Variants in CREB1 observed in about 807,000 individuals in gnomAD.
The protein encoded by CREB1 is cyclic AMP-responsive element-binding protein 1.
Under a neutral mutation model 42.0 loss-of-function variants are expected in CREB1, and 2 were observed. The observed-to-expected ratio is 0.05, with a 90% CI of 0.02 to 0.15. The LOEUF (loss-of-function observed/expected upper bound fraction) is 0.15. CREB1 is among the 10% of genes least tolerant of loss of function. The pLI is 1.00. For missense variants in CREB1, 199 were observed against 388.9 expected (o/e 0.51, Z 4.11); for synonymous variants, 123 against 139.9 (o/e 0.88, Z 0.85).
At chr2:207,575,540 T>A in intron 6 of CREB1, 86 bp downstream of exon 6, 1 of 1,132,592 alleles carries the variant, frequency 8.8e-7, no homozygotes, top group Non-Finnish European at 1.3e-6. Flanking sequence ...AGTATCATAT[T>A]GCAAACCACC....
rs2086556547 is a variant in CREB1 at position 207,598,595 on chromosome 2, C to T, written c.*1537C>T. ...GGCGCAGTGGCTCACGCCTGTAATCCCAGCACTTTGGGAGGCCAAGGTGGG... is the reference window on the plus strand; with the variant it reads ...GGCGCAGTGGCTCACGCCTGTAATCTCAGCACTTTGGGAGGCCAAGGTGGG... On this transcript the variant is annotated 3_prime_UTR_variant, in exon 8 of 8. Transcript: ENST00000353267. 1 of 173,440 alleles carries T rather than the reference C, an allele frequency of 5.8e-6. No individual in the cohort carries two copies. Among genetic ancestry groups the T allele is most frequent in the East Asian group, 1.0e-4 (1 of 9,746 alleles). 10.7% of individuals were successfully genotyped at this position (173,440 alleles called of 1,614,324 possible).
At chr2:207,530,587 C>T (rs1384456368) in intron 1 of CREB1, among the ~76,000 whole-genome samples, 1 of 147,314 alleles carries the variant, frequency 6.8e-6, no homozygotes, top group Non-Finnish European at 1.5e-5. Flanking sequence ...TCGTCCGGCC[C>T]CCGCCGCCCG....
intron 1 of CREB1, among the ~76,000 whole-genome samples, chr2:207,536,745 T>G: frequency 6.6e-6 from 1 of 152,004 alleles, no homozygotes; most frequent in Middle Eastern, 3.4e-3. Context: ...ATCCCGGCAC[T>G]TTGGGAGGTC....
rs1471047065 is a variant in CREB1, at chr2:207,561,281, TCA to T, written c.261+910_261+911del. 6.1e-6 allele frequency: 5 copies of T among 822,268 alleles called. No individual in the cohort carries two copies. In the African/African-American group the frequency reaches 8.7e-5, roughly 14 times the overall value. The allele number at this position is 822,268 out of a possible 1,614,324, so 50.9% of individuals were successfully genotyped here. Reference sequence around the variant, plus strand: ...GAATTTCAACACTTGAACAAAAACCTCAGAGATCTTCTGGGTCTAGGCCATAC... The same window carrying T: ...GAATTTCAACACTTGAACAAAAACCTGAGATCTTCTGGGTCTAGGCCATAC... On this transcript the variant is annotated intron_variant, in intron 3 of 7. Transcript: ENST00000353267.
rs935225371 is a variant in CREB1, at chr2:207,603,094, A to G, written c.*6036A>G. The stretch of plus-strand genomic sequence containing the variant: ...TGTTTCTATTGGAGTTGAATACTAA[A>G]TAAATAACTATAATGAGGGAAATAC... On this transcript the variant is annotated 3_prime_UTR_variant, in exon 8 of 8. Transcript: ENST00000353267. The G allele has an allele frequency of 7.6e-5, 16 of 210,528 alleles. No individual in the cohort carries two copies. The allele number at this position is 210,528 out of a possible 1,614,324, so 13.0% of individuals were successfully genotyped here. A position where few individuals can be genotyped will look rare whatever the true frequency, so the allele number is the denominator to read the frequency against.
At chr2:207,594,303 T>C (rs1299691632) in intron 7 of CREB1, among the ~76,000 whole-genome samples, 1 of 152,152 alleles carries the variant, frequency 6.6e-6, no homozygotes, top group Admixed American at 6.5e-5. Flanking sequence ...TACATTCATA[T>C]TGTGGTGCAG....
chr2:207,576,185 T>G (rs959814216), intron 6 of CREB1, among the ~76,000 whole-genome samples: 4 of 151,102 alleles, frequency 2.6e-5, no homozygotes, highest in African/African-American at 7.3e-5. Context: ...CTGCTGCTCT[T>G]TAGAGAAAAA....
Position 207,529,964 on chromosome 2 carries a change from T to TCGG in CREB1, c.-171_-169dup, listed in dbSNP as rs1347012110. 6.4e-6 allele frequency: 1 copy of TCGG among 155,840 alleles called. No individual in the cohort carries two copies. Among genetic ancestry groups the TCGG allele is most frequent in the Non-Finnish European group, 1.4e-5 (1 of 70,798 alleles). 9.7% of individuals were successfully genotyped at this position (155,840 alleles called of 1,614,324 possible). ...TGGCTCCCTGGCTGCGGCTCCTCAG[T>TCGG]CGGCGGCGGCTGCTGCTGCCTGTGG... is the stretch of plus-strand genomic sequence containing the variant. On this transcript the variant is annotated 5_prime_UTR_variant, in exon 1 of 8. Coordinates refer to ENST00000353267, the MANE Select transcript of CREB1 (RefSeq NM_004379.5).
At position 207,548,365 on chromosome 2, in the gene CREB1, A is replaced by G. The variant is rs188908445; in HGVS notation, c.-8-7263A>G. 5.8e-4 allele frequency among the ~76,000 whole-genome samples: 88 copies of G among 152,336 alleles called. 1 individual carries two copies. Among genetic ancestry groups the G allele is most frequent in the Non-Finnish European group, 4.1e-4 (28 of 68,020 alleles). On this transcript the variant is annotated intron_variant, in intron 1 of 7. Coordinates refer to ENST00000353267, the MANE Select transcript of CREB1 (RefSeq NM_004379.5). ...AATACCCTGGTAATTACAAAACTGC[A>G]ATGATAAAATACAAAATATTGAACT...
In CREB1 at chr2:207,604,962, C is replaced by T. The variant is rs780689395; in HGVS notation, c.*7904C>T. On this transcript the variant is annotated 3_prime_UTR_variant, in exon 8 of 8. Transcript: ENST00000353267. ...GTAAGTATGCCATTGTAGATATATA[C>T]CACAAGTTTATCGATTCATCCAGTT... 9.2e-5 allele frequency among the ~76,000 whole-genome samples: 14 copies of T among 152,138 alleles called. No individual in the cohort carries two copies. The highest frequency in any genetic ancestry group is 1.9e-4 in the Non-Finnish European group (13 of 68,028).
At position 207,582,295 on chromosome 2, in the gene CREB1, A is replaced by G. The variant is rs948741634; in HGVS notation, c.839+4640A>G. ...CTTTAAAGTTTTGCCCACCAGTTTTAGAATTCATCAGTAAATCTTGTCTAC... is the reference window on the plus strand; with the variant it reads ...CTTTAAAGTTTTGCCCACCAGTTTTGGAATTCATCAGTAAATCTTGTCTAC... On this transcript the variant is annotated intron_variant, in intron 7 of 7. Transcript: ENST00000353267. 30 of 623,666 alleles carry G rather than the reference A, an allele frequency of 4.8e-5. No individual in the cohort carries two copies. The Admixed American group carries it at 5.6e-4, about 12-fold the overall frequency. The allele number at this position is 623,666 out of a possible 1,614,324, so 38.6% of individuals were successfully genotyped here. A position where few individuals can be genotyped will look rare whatever the true frequency, so the allele number is the denominator to read the frequency against.
intron 1 of CREB1, among the ~76,000 whole-genome samples, chr2:207,552,730 C>G (rs2081561081): frequency 6.6e-6 from 1 of 151,726 alleles, no homozygotes; most frequent in Admixed American, 6.6e-5. Flanking sequence ...CTCAGCCTCC[C>G]AAATATCCCA....
chr2:207,605,571 GTGTTA>G lies in CREB1; in HGVS notation c.*8518_*8522del, dbSNP rs72258540. On this transcript the variant is annotated 3_prime_UTR_variant, in exon 8 of 8. Transcript: ENST00000353267. ...AAGGGCAAACTGTAAGAAGTTTTTTGTGTTATGTTTTTTGTGACAGTCTGTGCATA... is the reference window on the plus strand; with the variant it reads ...AAGGGCAAACTGTAAGAAGTTTTTTGTGTTTTTTGTGACAGTCTGTGCATA... Among the ~76,000 whole-genome samples the G allele has an allele frequency of 0.067, 10,229 of 152,070 alleles. 1,154 individuals carry two copies. Among genetic ancestry groups the G allele is most frequent in the African/African-American group, 0.23 (9,625 of 41,396 alleles).
chr2:207,576,261 GTTTT>G (rs1037917631), intron 6 of CREB1, among the ~76,000 whole-genome samples: 1 of 66,324 alleles, frequency 1.5e-5, no homozygotes, highest in Non-Finnish European at 3.1e-5. Context: ...TTTTTTTTTA[GTTTT>G]TTTTTTCTGT....
rs2086631516 is a variant in CREB1 at position 207,599,019 on chromosome 2, T to C, written c.*1961T>C. Reference sequence around the variant, plus strand: ...TGCTGGATCCATTTTAAAATAAGATTTTAATTAACATTTGTAAATGGTATA... The same window carrying C: ...TGCTGGATCCATTTTAAAATAAGATCTTAATTAACATTTGTAAATGGTATA... On this transcript the variant is annotated 3_prime_UTR_variant, in exon 8 of 8. Transcript: ENST00000353267. 5.4e-6 allele frequency: 1 copy of C among 185,966 alleles called. No individual in the cohort carries two copies. Among genetic ancestry groups the C allele is most frequent in the South Asian group, 1.9e-4 (1 of 5,138 alleles). The allele number at this position is 185,966 out of a possible 1,614,324, so 11.5% of individuals were successfully genotyped here.
chr2:207,568,307 C>A (rs938613545), intron 4 of CREB1, among the ~76,000 whole-genome samples: 12 of 151,884 alleles, frequency 7.9e-5, no homozygotes, highest in Non-Finnish European at 1.8e-4. Flanking sequence ...ATTAAGAATC[C>A]TAAGTGACTA....
At chr2:207,581,892 G>C in intron 7 of CREB1, 1 of 702,892 alleles carries the variant, frequency 1.4e-6, no homozygotes, top group Non-Finnish European at 2.6e-6. Flanking sequence ...CTTTTGAAGA[G>C]TAGTGATCTG....
intron 1 of CREB1, among the ~76,000 whole-genome samples, chr2:207,552,042 C>CACAA: frequency 1.4e-5 from 1 of 69,934 alleles, no homozygotes. Context: ...AACTCCGTCT[C>CACAA]AAAAAAAAAA....
intron 7 of CREB1, among the ~76,000 whole-genome samples, chr2:207,578,294 A>T (rs2106585260): frequency 6.6e-6 from 1 of 152,366 alleles, no homozygotes; most frequent in East Asian, 1.9e-4. Context: ...GCCGTCAAAA[A>T]CAATAAAAAT....
Sources: allele counts gnomAD v4.1 joint callset (sites outside exome capture counted in the v4.1 genomes callset), GRCh38; gene constraint gnomAD v4.1.1; transcripts MANE v1.5; gene names NCBI Gene and HGNC (gene_info 2026-07-23, HGNC 2026-07-21).